The following SLC26A8 variants were observed in gnomAD, a reference collection of about 807,000 sequenced individuals.
SLC26A8 encodes the protein solute carrier family 26 member 8, also known as testis anion transporter 1.
In SLC26A8, 70 loss-of-function variants were observed where a neutral mutation model predicts 105.0. The observed-to-expected ratio is 0.67, with a 90% CI of 0.55 to 0.81. SLC26A8 has a LOEUF of 0.81. Ranked by LOEUF, SLC26A8 falls within the 40% of genes least tolerant of loss-of-function variation. SLC26A8 has a pLI of 0.00. For missense variants in SLC26A8, 998 were observed against 1,181.8 expected (o/e 0.84, Z 2.28); for synonymous variants, 415 against 438.3 (o/e 0.95, Z 0.66).
At chr6:36,009,300 G>A (rs969696653) in intron 3 of SLC26A8, among the ~76,000 whole-genome samples, 2 of 152,022 alleles carry the variant, frequency 1.3e-5, no homozygotes, top group Admixed American at 6.6e-5. Flanking sequence ...GTAGTGAGCC[G>A]AGATCGTGCC....
At chr6:35,973,061 G>A (rs753461046) in intron 10 of SLC26A8, among the ~76,000 whole-genome samples, 4 of 152,082 alleles carry the variant, frequency 2.6e-5, no homozygotes, top group Admixed American at 6.6e-5. Flanking sequence ...TATTTATGCC[G>A]CTTTTTAAAA....
chr6:35,943,886 T>C lies in SLC26A8; in HGVS notation c.*14A>G, dbSNP rs1771567743. 3 of 1,609,686 alleles carry C rather than the reference T, an allele frequency of 1.9e-6. No homozygotes were observed. The highest frequency in any genetic ancestry group is 2.5e-6 in the Non-Finnish European group (3 of 1,176,672). ...TTGCCAGCATTATCTGACCCCTTAT[T>C]TCTAGTTCATCTCCTAGACATCTTC... On this transcript the variant is annotated 3_prime_UTR_variant, in exon 20 of 20. Transcript: ENST00000490799.
In SLC26A8 at chr6:35,968,611, ATATAT is replaced by A. The variant is rs1562030771; in HGVS notation, c.1365+261_1365+265del. Among the ~76,000 whole-genome samples the A allele has an allele frequency of 9.3e-3, 412 of 44,096 alleles. 8 individuals are homozygous for A. The highest frequency in any genetic ancestry group is 0.045 in the African/African-American group (324 of 7,130). 28.9% of individuals were successfully genotyped at this position (44,096 alleles called of 152,430 possible). On this transcript the variant is annotated intron_variant, in intron 11 of 19. Transcript: ENST00000490799. ...TGTATGTGTGTGTGTGTGTGTGTGT[ATATAT>A]ATATATATATATATATATATATATA... is the stretch of plus-strand genomic sequence containing the variant.
At chr6:35,993,740 A>G (rs1480398796) in intron 5 of SLC26A8, among the ~76,000 whole-genome samples, 1 of 152,070 alleles carries the variant, frequency 6.6e-6, no homozygotes, top group Non-Finnish European at 1.5e-5. Context: ...AAAAACCACA[A>G]TTAGGTTGGG....
At chr6:35,953,741 G>A (rs1771955961) in intron 17 of SLC26A8, among the ~76,000 whole-genome samples, 1 of 152,186 alleles carries the variant, frequency 6.6e-6, no homozygotes, top group South Asian at 2.1e-4. Flanking sequence ...TGTAGATTAG[G>A]AAACGGAGAC....
chr6:35,977,812 C>T (rs980674436), intron 8 of SLC26A8, among the ~76,000 whole-genome samples: 13 of 151,984 alleles, frequency 8.6e-5, no homozygotes, highest in Admixed American at 2.6e-4. Flanking sequence ...TGGCTGGGTG[C>T]GGTGGCTCAC....
intron 11 of SLC26A8, among the ~76,000 whole-genome samples, chr6:35,968,475 C>T (rs767452964): frequency 1.3e-4 from 19 of 150,962 alleles, no homozygotes; most frequent in Non-Finnish European, 1.9e-4. Flanking sequence ...CCCAGTTATA[C>T]GGTGCCCAGC....
At position 35,954,124 on chromosome 6, in the gene SLC26A8, G is replaced by T. The variant is rs1479193670; in HGVS notation, c.2232+1028C>A. On this transcript the variant is annotated intron_variant, in intron 17 of 19. Transcript: ENST00000490799. Reference sequence around the variant, plus strand: ...TAAAAAGGAATATTATACTTATGAGGCATTAAACAATGACATCAATATGGT... The same window carrying T: ...TAAAAAGGAATATTATACTTATGAGTCATTAAACAATGACATCAATATGGT... Among the ~76,000 whole-genome samples the T allele has an allele frequency of 2.6e-5, 4 of 152,208 alleles. No homozygotes were observed. The East Asian group carries it at 7.7e-4, about 29-fold the overall frequency.
intron 7 of SLC26A8, among the ~76,000 whole-genome samples, chr6:35,983,994 T>C (rs563290842): frequency 6.6e-6 from 1 of 152,240 alleles, no homozygotes; most frequent in East Asian, 1.9e-4. Context: ...CCTCTCTCAT[T>C]TTCCTCACTG....
intron 14 of SLC26A8, chr6:35,960,376 C>G (rs2127299030): frequency 6.1e-6 from 1 of 163,958 alleles, no homozygotes; most frequent in Non-Finnish European, 1.3e-5. Context: ...CCCGTCTTGG[C>G]TGGGTGTGTT....
intron 7 of SLC26A8, among the ~76,000 whole-genome samples, chr6:35,982,464 C>T (rs755912327): frequency 3.8e-4 from 58 of 152,294 alleles, no homozygotes; most frequent in African/African-American, 1.3e-3. Context: ...AACAAATGGA[C>T]GCCATGAACT....
chr6:35,962,090 G>A (rs958730974), intron 12 of SLC26A8, among the ~76,000 whole-genome samples: 1 of 152,088 alleles, frequency 6.6e-6, no homozygotes, highest in Non-Finnish European at 1.5e-5. Flanking sequence ...GCCGGGCATG[G>A]TGGTGGGCTC....
At chr6:36,009,029 A>G (rs1761771373) in intron 3 of SLC26A8, among the ~76,000 whole-genome samples, 2 of 152,198 alleles carry the variant, frequency 1.3e-5, no homozygotes, top group Admixed American at 6.5e-5. Context: ...TTTATCCCAG[A>G]TAAATGAAGA....
chr6:35,970,759 C>T (rs1414289901), intron 10 of SLC26A8, among the ~76,000 whole-genome samples: 1 of 152,164 alleles, frequency 6.6e-6, no homozygotes, highest in African/African-American at 2.4e-5. Flanking sequence ...GGCGTGGTGG[C>T]TCGCACCTGT....
intron 14 of SLC26A8, 25 bp from the exon 15 acceptor site, chr6:35,959,831 G>T: frequency 6.5e-7 from 1 of 1,545,412 alleles, no homozygotes; most frequent in South Asian, 1.1e-5. Flanking sequence ...GTGAAGTTGA[G>T]GGAAATTTCT....
intron 10 of SLC26A8, among the ~76,000 whole-genome samples, chr6:35,974,798 A>G (rs962249405): frequency 1.3e-5 from 2 of 152,064 alleles, no homozygotes; most frequent in African/African-American, 4.8e-5. Context: ...GTGCAGTGGC[A>G]CCATCTCAAC....
chr6:35,991,194 A>T (rs1692237199), intron 7 of SLC26A8, among the ~76,000 whole-genome samples: 2 of 152,056 alleles, frequency 1.3e-5, no homozygotes, highest in Non-Finnish European at 2.9e-5. Flanking sequence ...TGAGGTCAGG[A>T]GTTTGCGACC....
chr6:35,968,054 G>A (rs771427212), intron 11 of SLC26A8, among the ~76,000 whole-genome samples: 45 of 151,962 alleles, frequency 3.0e-4, no homozygotes, highest in Non-Finnish European at 8.8e-5. Context: ...TGCCACGTTG[G>A]CCCGGCTGAT....
At position 35,957,573 on chromosome 6, in the gene SLC26A8, T is replaced by C. The variant is rs546734398; in HGVS notation, c.1863+1887A>G. 5.4e-3 allele frequency among the ~76,000 whole-genome samples: 818 copies of C among 150,512 alleles called. 3 individuals are homozygous for C. Among genetic ancestry groups the C allele is most frequent in the Non-Finnish European group, 8.7e-3 (593 of 67,780 alleles). On this transcript the variant is annotated intron_variant, in intron 16 of 19. Transcript: ENST00000490799. ...GGCTCAGTGGCAGGGAGATGTGAGC[T>C]CCTCTAGGCAGAGGGAATTCTCTGA...
Sources: allele counts gnomAD v4.1 joint callset (sites outside exome capture counted in the v4.1 genomes callset), GRCh38; gene constraint gnomAD v4.1.1; transcripts MANE v1.5; gene names NCBI Gene and HGNC (gene_info 2026-07-23, HGNC 2026-07-21).